Variants in PHACTR2 observed in about 807,000 individuals in gnomAD.
The protein encoded by PHACTR2 is phosphatase and actin regulator 2.
PHACTR2 carries 30 observed loss-of-function variants against 76.0 expected under a neutral mutation model. The observed-to-expected ratio is 0.39, with a 90% CI of 0.30 to 0.54. The LOEUF (loss-of-function observed/expected upper bound fraction) is 0.54, where lower values mean the gene tolerates loss of function less well. PHACTR2 is among the 20% of genes least tolerant of loss of function. The pLI is 0.61. For synonymous variants in PHACTR2, 292 were observed against 292.5 expected (o/e 1.00, Z 0.02); for missense variants, 696 against 781.1 (o/e 0.89, Z 1.30).
intron 1 of PHACTR2, among the ~76,000 whole-genome samples, chr6:143,613,172 T>C (rs1776008085): frequency 6.6e-6 from 1 of 152,240 alleles, no homozygotes; most frequent in South Asian, 2.1e-4. Context: ...AGACGGGGTT[T>C]CACCGTGTTA....
At position 143,672,287 on chromosome 6, in the gene PHACTR2, C is replaced by G. The variant is rs62427390; in HGVS notation, c.14-39729C>G. ...GCAATATAGTGAGACCCTATCTCTACAAAAAAAAAAAAAATTACAAATAAT... is the reference window on the plus strand; with the variant it reads ...GCAATATAGTGAGACCCTATCTCTAGAAAAAAAAAAAAAATTACAAATAAT... On this transcript the variant is annotated intron_variant, in intron 1 of 11. Transcript: ENST00000305766. The surrounding 1 kb of genome is among the most constrained non-coding windows in gnomAD (Gnocchi z 5.8). Among the ~76,000 whole-genome samples, 2 of 116,722 alleles carry G rather than the reference C, an allele frequency of 1.7e-5. No homozygotes were observed. The highest frequency in any genetic ancestry group is 9.3e-5 in the African/African-American group (2 of 21,620). 76.6% of individuals were successfully genotyped at this position (116,722 alleles called of 152,430 possible). A position where few individuals can be genotyped will look rare whatever the true frequency, so the allele number is the denominator to read the frequency against.
Position 143,774,208 on chromosome 6 carries a change from T to C in PHACTR2, c.1582T>C (p.Leu528=). 3 of 1,613,708 alleles carry C rather than the reference T, an allele frequency of 1.9e-6. No individual in the cohort carries two copies. The highest frequency in any genetic ancestry group is 3.3e-4 in the Middle Eastern group (2 of 6,062). ...AATCCGACAACAAATTGGAACCAAG[T>C]TAGTCAGGTAATTGCTAACATTTTA... The part of the protein sequence containing the change: ...QEIRQQIGTK[L]VRRLSQRPTT... Residue 528 remains leucine (L), a synonymous_variant, in exon 8 of 13, where the codon TTA becomes CTA. Transcript: ENST00000440869. This position sits in a 1 kb window ranked among gnomAD's most constrained non-coding sequence, Gnocchi z 5.4.
intron 1 of PHACTR2, among the ~76,000 whole-genome samples, chr6:143,640,580 G>A (rs919036124): frequency 6.6e-6 from 1 of 152,166 alleles, no homozygotes; most frequent in East Asian, 1.9e-4. Flanking sequence ...AATGGGTTTT[G>A]TATTCCTCTT....
In PHACTR2 at chr6:143,541,880, A is replaced by G. The variant is rs1190287124; in HGVS notation, c.217+4673A>G. 6.6e-6 allele frequency among the ~76,000 whole-genome samples: 1 copy of G among 151,352 alleles called. No homozygotes were observed. Among genetic ancestry groups the G allele is most frequent in the East Asian group, 1.9e-4 (1 of 5,134 alleles). ...TTTCTTACTGACCTCCAAGGTTGTA[A>G]CTCTTTGAGTTGATGCTTTGTGCTC... On this transcript the variant is annotated intron_variant, in intron 1 of 11. Coordinates refer to the PHACTR2 transcript ENST00000367584. This position sits in a 1 kb window ranked among gnomAD's most constrained non-coding sequence, Gnocchi z 5.3.
Position 143,548,492 on chromosome 6 carries a change from A to T in PHACTR2, c.217+11285A>T, listed in dbSNP as rs985987206. ...TTCTCCTCAGATTTCCCCTATTTACATGTCTTCTGTTAAAGCTAGCAGAGA... is the reference window on the plus strand; with the variant it reads ...TTCTCCTCAGATTTCCCCTATTTACTTGTCTTCTGTTAAAGCTAGCAGAGA... On this transcript the variant is annotated intron_variant, in intron 1 of 11. Transcript: ENST00000367584. The surrounding 1 kb of genome is among the most constrained non-coding windows in gnomAD (Gnocchi z 4.5). Among the ~76,000 whole-genome samples, 1 of 151,904 alleles carries T rather than the reference A, an allele frequency of 6.6e-6. No homozygotes were observed. The highest frequency in any genetic ancestry group is 2.4e-5 in the African/African-American group (1 of 41,368).
At position 143,599,242 on chromosome 6, in the gene PHACTR2, A is replaced by G. The variant is rs1240776781; in HGVS notation, c.217+62035A>G. ...ATGTGTTAATACTCTTTAAAAAAAT[A>G]AAACTACTAGATGGCAAGTGTACTT... On this transcript the variant is annotated intron_variant, in intron 1 of 11. Transcript: ENST00000367584. The surrounding 1 kb of genome is among the most constrained non-coding windows in gnomAD (Gnocchi z 4.6). Among the ~76,000 whole-genome samples the G allele has an allele frequency of 6.6e-6, 1 of 152,222 alleles. No individual in the cohort carries two copies. The highest frequency in any genetic ancestry group is 1.5e-5 in the Non-Finnish European group (1 of 68,036).
chr6:143,813,617 CA>C (rs373797909), intron 12 of PHACTR2, among the ~76,000 whole-genome samples: 1,312 of 63,114 alleles, frequency 0.021, 4 homozygotes, highest in African/African-American at 0.046. Flanking sequence ...GACTCCGCCT[CA>C]AAAAAAAAAA....
At chr6:143,721,031 T>C (rs2128463263) in intron 2 of PHACTR2, among the ~76,000 whole-genome samples, 1 of 152,340 alleles carries the variant, frequency 6.6e-6, no homozygotes, top group South Asian at 2.1e-4. Flanking sequence ...AAGCATTTTG[T>C]TATGGCTTTC....
intron 1 of PHACTR2, among the ~76,000 whole-genome samples, chr6:143,637,318 A>G (rs968153278): frequency 2.0e-5 from 3 of 149,114 alleles, no homozygotes; most frequent in Non-Finnish European, 3.0e-5. Flanking sequence ...TTGTTGTTTG[A>G]AAAAAAAAAG....
chr6:143,675,826 G>A (rs1371875420), upstream of PHACTR2, among the ~76,000 whole-genome samples: 2 of 152,178 alleles, frequency 1.3e-5, no homozygotes, highest in Non-Finnish European at 2.9e-5. The surrounding 1 kb of genome is among the most constrained non-coding windows in gnomAD (Gnocchi z 4.9). Flanking sequence ...AGAACTCTTA[G>A]TAAAACTGTG....
Position 143,774,028 on chromosome 6 carries a change from C to G in PHACTR2, c.1433-31C>G, listed in dbSNP as rs762334737. Reference sequence around the variant, plus strand: ...AGTGCCACTGGCTAAAAGCCTCTCTCTCTGCATTTCTGCTCTTTTTCAATC... The same window carrying G: ...AGTGCCACTGGCTAAAAGCCTCTCTGTCTGCATTTCTGCTCTTTTTCAATC... On this transcript the variant is annotated intron_variant, in intron 7 of 12. Transcript: ENST00000440869. The surrounding 1 kb of genome is among the most constrained non-coding windows in gnomAD (Gnocchi z 5.4). The G allele has an allele frequency of 3.7e-6, 6 of 1,604,300 alleles. No homozygotes were observed. Among genetic ancestry groups the G allele is most frequent in the African/African-American group, 1.3e-5 (1 of 74,662 alleles).
rs920675636 is a variant in PHACTR2 at position 143,698,680 on chromosome 6, T to A, written c.47-13336T>A. On this transcript the variant is annotated intron_variant, in intron 1 of 12. Transcript: ENST00000440869. This position sits in a 1 kb window ranked among gnomAD's most constrained non-coding sequence, Gnocchi z 4.3. ...TTTCCTACTCACTACACACTGCAGG[T>A]CTACGTTTGGGTGGATGGTTGTTTG... Among the ~76,000 whole-genome samples the A allele has an allele frequency of 6.6e-6, 1 of 152,192 alleles. No individual in the cohort carries two copies. The highest frequency in any genetic ancestry group is 1.5e-5 in the Non-Finnish European group (1 of 68,018).
At chr6:143,770,725 A>T (rs1283658458) in intron 6 of PHACTR2, among the ~76,000 whole-genome samples, 1 of 151,908 alleles carries the variant, frequency 6.6e-6, no homozygotes, top group East Asian at 1.9e-4. Flanking sequence ...AATTTGGGGG[A>T]TCTTTGTGTC....
rs879476306 is a variant in PHACTR2, at chr6:143,549,133, C to T, written c.217+11926C>T. Reference sequence around the variant, plus strand: ...CTGTAGGGTGCACATTTCCACAGAGCTGTCTGGGCCCCTTTGGTTTCCATT... The same window carrying T: ...CTGTAGGGTGCACATTTCCACAGAGTTGTCTGGGCCCCTTTGGTTTCCATT... On this transcript the variant is annotated intron_variant, in intron 1 of 11. Coordinates refer to the PHACTR2 transcript ENST00000367584. The surrounding 1 kb of genome is among the most constrained non-coding windows in gnomAD (Gnocchi z 4.2). Among the ~76,000 whole-genome samples the T allele has an allele frequency of 1.4e-4, 22 of 151,988 alleles. No homozygotes were observed. The highest frequency in any genetic ancestry group is 2.8e-4 in the Non-Finnish European group (19 of 67,950).
In PHACTR2 at chr6:143,610,457, G is replaced by A. The variant is rs1260421640; in HGVS notation, c.13+2135G>A. ...GAGCGGGGCACTCGTACTGACAACTGGATCATTAGTTTCAAGGAGCCAGAC... is the reference window on the plus strand; with the variant it reads ...GAGCGGGGCACTCGTACTGACAACTAGATCATTAGTTTCAAGGAGCCAGAC... On this transcript the variant is annotated intron_variant, in intron 1 of 11. Coordinates refer to the PHACTR2 transcript ENST00000305766. This position sits in a 1 kb window ranked among gnomAD's most constrained non-coding sequence, Gnocchi z 4.9. 1.3e-5 allele frequency among the ~76,000 whole-genome samples: 2 copies of A among 152,170 alleles called. No homozygotes were observed. The highest frequency in any genetic ancestry group is 2.9e-5 in the Non-Finnish European group (2 of 68,034).
rs1448394321 is a variant in PHACTR2 at position 143,829,041 on chromosome 6, C to T, written c.*5352C>T. The T allele has an allele frequency of 6.6e-6, 1 of 152,024 alleles. No homozygotes were observed. Among genetic ancestry groups the T allele is most frequent in the Non-Finnish European group, 1.5e-5 (1 of 68,030 alleles). The allele number at this position is 152,024 out of a possible 1,614,324, so 9.4% of individuals were successfully genotyped here. On this transcript the variant is annotated 3_prime_UTR_variant, in exon 13 of 13. Coordinates refer to ENST00000440869, the MANE Select transcript of PHACTR2 (RefSeq NM_001100164.2). ...GGTTTTTCTCCCTTCATTTTTCGAG[C>T]CTTTCTCTCAGTGCAGCTGTTCTTC...
intron 1 of PHACTR2, among the ~76,000 whole-genome samples, chr6:143,705,871 T>G (rs1438812388): frequency 6.6e-6 from 1 of 152,220 alleles, no homozygotes; most frequent in African/African-American, 2.4e-5. Context: ...GAAGTCACTA[T>G]GGATAGCCCA....
rs75893300 is a variant in PHACTR2 at position 143,694,494 on chromosome 6, G to A, written c.46+16285G>A. Among the ~76,000 whole-genome samples the A allele has an allele frequency of 1.7e-3, 261 of 152,206 alleles. 2 individuals carry two copies. Among genetic ancestry groups the A allele is most frequent in the Non-Finnish European group, 3.1e-3 (208 of 67,988 alleles). ...CTTCTTTGAGGGCCCTGAATGTGAAGCCCTGTATTTGGAGAAATGTTTTGT... is the reference window on the plus strand; with the variant it reads ...CTTCTTTGAGGGCCCTGAATGTGAAACCCTGTATTTGGAGAAATGTTTTGT... On this transcript the variant is annotated intron_variant, in intron 1 of 12. Transcript: ENST00000440869.
In PHACTR2 at chr6:143,821,510, C is replaced by T. The variant is rs1776416657; in HGVS notation, c.1923-2164C>T. 6.6e-6 allele frequency among the ~76,000 whole-genome samples: 1 copy of T among 152,238 alleles called. No homozygotes were observed. Among genetic ancestry groups the T allele is most frequent in the Non-Finnish European group, 1.5e-5 (1 of 68,052 alleles). The stretch of plus-strand genomic sequence containing the variant: ...ATAAGAAAGTTTCCTTCCTCAGCTT[C>T]TCATGATCCAATAGCAAAGGCACAT... On this transcript the variant is annotated intron_variant, in intron 12 of 12. Transcript: ENST00000440869. The surrounding 1 kb of genome is among the most constrained non-coding windows in gnomAD (Gnocchi z 5.2).
Sources: gnomAD v4.1 joint callset for allele counts (sites outside exome capture counted in the v4.1 genomes callset) on GRCh38, gnomAD v4.1.1 for gene constraint, Gnocchi (gnomAD v3.1) non-coding constraint, MANE v1.5 for transcripts, NCBI Gene and HGNC (gene_info 2026-07-23, HGNC 2026-07-21) for gene names.